Variants in ZC3H12C observed in about 807,000 individuals in gnomAD.
ZC3H12C encodes probable ribonuclease ZC3H12C.
In ZC3H12C, 20 loss-of-function variants were observed where a neutral mutation model predicts 76.3. The observed-to-expected ratio is 0.26, with a 90% CI of 0.18 to 0.38. The LOEUF (loss-of-function observed/expected upper bound fraction) is 0.38, where lower values mean the gene tolerates loss of function less well. Ranked by LOEUF, ZC3H12C falls within the 10% of genes least tolerant of loss-of-function variation. ZC3H12C has a pLI of 1.00. For synonymous variants in ZC3H12C, 352 were observed against 399.6 expected (o/e 0.88, Z 1.42); for missense variants, 874 against 1,086.5 (o/e 0.80, Z 2.75).
At chr11:110,099,054 T>C (rs1421211743) in intron 1 of ZC3H12C, among the ~76,000 whole-genome samples, 1 of 152,220 alleles carries the variant, frequency 6.6e-6, no homozygotes, top group Non-Finnish European at 1.5e-5. Context: ...CTACATTCGC[T>C]CTCTCATTTA....
At position 110,136,394 on chromosome 11, in the gene ZC3H12C, GA is replaced by G. The variant is rs1861959581; in HGVS notation, c.22-267del. The G allele has an allele frequency of 3.1e-5, 11 of 353,028 alleles. No homozygotes were observed. In the South Asian group the frequency reaches 5.7e-4, roughly 18 times the overall value. The allele number at this position is 353,028 out of a possible 1,614,324, so 21.9% of individuals were successfully genotyped here. A position where few individuals can be genotyped will look rare whatever the true frequency, so the allele number is the denominator to read the frequency against. ...TATAGTGGGAAAAGCATGGGTTTTA[GA>G]ATCAGACGAAACTGGGTAAAAAAAT... On this transcript the variant is annotated intron_variant, in intron 1 of 5. Transcript: ENST00000278590.
intron 2 of ZC3H12C, among the ~76,000 whole-genome samples, chr11:110,143,133 A>G (rs529957194): frequency 1.3e-5 from 2 of 152,138 alleles, no homozygotes; most frequent in South Asian, 2.1e-4. Context: ...AAAAGAAAAA[A>G]CTCCAGATCC....
At chr11:110,155,175 G>A (rs1042866482) in intron 3 of ZC3H12C, among the ~76,000 whole-genome samples, 1 of 151,970 alleles carries the variant, frequency 6.6e-6, no homozygotes, top group African/African-American at 2.4e-5. Flanking sequence ...TGTAATCCCA[G>A]CTATTAGGGA....
In ZC3H12C at chr11:110,136,888, G is replaced by A. The variant is rs1159294115; in HGVS notation, c.247G>A (p.Glu83Lys). 11 of 1,613,824 alleles carry A rather than the reference G, an allele frequency of 6.8e-6. No individual in the cohort carries two copies. The highest frequency in any genetic ancestry group is 9.3e-6 in the Non-Finnish European group (11 of 1,179,816). Residue 83 changes from glutamate (E) to lysine (K), a missense_variant, in exon 2 of 6, where the codon GAG becomes AAG. Physicochemically the swap from Glu to Lys is moderately conservative, Grantham distance 56. Around this residue, in one of 3 missense-constraint regions of ZC3H12C, gnomAD observed 210 missense variants for 227.1 expected, o/e 0.92. Transcript: ENST00000278590. The part of the protein sequence containing the change: ...VGKDEKEASE[E>K]NASSGDSEEN... The stretch of plus-strand genomic sequence containing the variant: ...GAAGGATGAAAAAGAGGCGTCTGAA[G>A]AGAATGCAAGCTCTGGTGACTCTGA...
chr11:110,146,247 C>G (rs922993295), intron 2 of ZC3H12C, among the ~76,000 whole-genome samples: 4 of 152,196 alleles, frequency 2.6e-5, no homozygotes, highest in Non-Finnish European at 5.9e-5. Flanking sequence ...CTCAGCCTCC[C>G]AAGGTGCTAG....
chr11:110,133,089 C>A (rs1385026053), intron 1 of ZC3H12C, among the ~76,000 whole-genome samples: 1 of 151,950 alleles, frequency 6.6e-6, no homozygotes, highest in Middle Eastern at 3.2e-3. Flanking sequence ...GTTTTTAAAT[C>A]TTTATCATGT....
intron 1 of ZC3H12C, among the ~76,000 whole-genome samples, chr11:110,115,698 G>A (rs1441209061): frequency 6.6e-6 from 1 of 150,810 alleles, no homozygotes; most frequent in African/African-American, 2.4e-5. Context: ...GCATCCCAGA[G>A]TATTAGAATT....
At chr11:110,101,743 T>C (rs1591455872) in intron 1 of ZC3H12C, among the ~76,000 whole-genome samples, 1 of 151,404 alleles carries the variant, frequency 6.6e-6, no homozygotes, top group South Asian at 2.1e-4. Context: ...AGAGACGGGG[T>C]TTCACCATAT....
chr11:110,146,649 T>C lies in ZC3H12C; in HGVS notation c.774-6270T>C, dbSNP rs1239793496. 5.3e-5 allele frequency among the ~76,000 whole-genome samples: 8 copies of C among 152,244 alleles called. No individual in the cohort carries two copies. The East Asian group carries it at 1.3e-3, about 26-fold the overall frequency. ...CTTTTCATTAGAGGATCTTCTCTTA[T>C]TTGTTGGTAGTCCCAGAAAGGGGTT... On this transcript the variant is annotated intron_variant, in intron 2 of 5. Coordinates refer to ENST00000278590, the MANE Select transcript of ZC3H12C (RefSeq NM_033390.2).
At chr11:110,160,939 C>T (rs1862468293) in intron 4 of ZC3H12C, among the ~76,000 whole-genome samples, 2 of 151,980 alleles carry the variant, frequency 1.3e-5, no homozygotes, top group African/African-American at 4.8e-5. Context: ...CAGGTTCAAG[C>T]AATTCTCATT....
At chr11:110,159,684 G>T (rs971266416) in intron 4 of ZC3H12C, among the ~76,000 whole-genome samples, 194 bp downstream of exon 4, 13 of 152,108 alleles carry the variant, frequency 8.5e-5, no homozygotes, top group African/African-American at 2.9e-4. Context: ...GGTGTGAGTG[G>T]CAGGCCCCAC....
intron 1 of ZC3H12C, among the ~76,000 whole-genome samples, chr11:110,109,322 T>C (rs1052583241): frequency 6.6e-6 from 1 of 152,240 alleles, no homozygotes; most frequent in African/African-American, 2.4e-5. Context: ...ATTCCTTCCA[T>C]GGTTATTCAT....
chr11:110,115,892 C>T (rs1273238385), intron 1 of ZC3H12C, among the ~76,000 whole-genome samples: 3 of 151,974 alleles, frequency 2.0e-5, no homozygotes, highest in African/African-American at 7.2e-5. Flanking sequence ...TCACAAGTAG[C>T]TAGGATTACA....
chr11:110,128,764 A>G (rs935128234), intron 1 of ZC3H12C, among the ~76,000 whole-genome samples: 1 of 151,994 alleles, frequency 6.6e-6, no homozygotes, highest in Non-Finnish European at 1.5e-5. Context: ...ATCCTACTCA[A>G]TCAATCTCAG....
chr11:110,146,475 C>T lies in ZC3H12C; in HGVS notation c.774-6444C>T, dbSNP rs541926214. On this transcript the variant is annotated intron_variant, in intron 2 of 5. Coordinates refer to ENST00000278590, the MANE Select transcript of ZC3H12C (RefSeq NM_033390.2). ...ATGTCACTTTTGCTCCTAGTTGCAG[C>T]GTTATTTCCTGTCTGATTTCCCGAG... Among the ~76,000 whole-genome samples the T allele has an allele frequency of 1.3e-4, 20 of 152,270 alleles. No individual in the cohort carries two copies. In the East Asian group the frequency reaches 3.7e-3, roughly 28 times the overall value.
At chr11:110,123,197 T>C (rs1409332876) in intron 1 of ZC3H12C, among the ~76,000 whole-genome samples, 1 of 152,242 alleles carries the variant, frequency 6.6e-6, no homozygotes, top group Non-Finnish European at 1.5e-5. Context: ...GAGTTTTCTC[T>C]TCCCATACAC....
rs1862536931 is a variant in ZC3H12C, at chr11:110,164,370, A to G, written c.1285A>G (p.Lys429Glu). Residue 429 changes from lysine (K) to glutamate (E), a missense_variant, in exon 6 of 6, where the codon AAA (lysine) becomes GAA (glutamate). By Grantham distance (56) the Lys-to-Glu change is moderately conservative (BLOSUM62 1). Transcript: ENST00000278590. This position sits in a 1 kb window ranked among gnomAD's most constrained non-coding sequence, Gnocchi z 5.7. ...GAAGTGTACCTATGGACACAAGTGC[A>G]AATATTACCATCCCGAAAGGGGCAG... ...GKKCTYGHKC[K>E]YYHPERGSQP... 1 of 1,613,136 alleles carries G rather than the reference A, an allele frequency of 6.2e-7. No individual in the cohort carries two copies. The highest frequency in any genetic ancestry group is 8.5e-7 in the Non-Finnish European group (1 of 1,179,646).
rs1009601238 is a variant in ZC3H12C at position 110,168,696 on chromosome 11, A to G, written c.*2959A>G. On this transcript the variant is annotated 3_prime_UTR_variant, in exon 6 of 6. Transcript: ENST00000278590. ...CTTAGTCCAGAGGGAATAGTACCCAATTGGCCAAATACTGGCCCTTAGTAT... is the reference window on the plus strand; with the variant it reads ...CTTAGTCCAGAGGGAATAGTACCCAGTTGGCCAAATACTGGCCCTTAGTAT... The G allele has an allele frequency of 7.2e-5, 11 of 152,182 alleles. No individual in the cohort carries two copies. The highest frequency in any genetic ancestry group is 2.2e-4 in the African/African-American group (9 of 41,448). The allele number at this position is 152,182 out of a possible 1,614,324, so 9.4% of individuals were successfully genotyped here.
chr11:110,141,670 C>T (rs1391197041), intron 2 of ZC3H12C, among the ~76,000 whole-genome samples: 2 of 152,146 alleles, frequency 1.3e-5, no homozygotes, highest in African/African-American at 2.4e-5. Context: ...GCTCTCTCAA[C>T]AAAACTGTAT....
Sources: allele counts gnomAD v4.1 joint callset (sites outside exome capture counted in the v4.1 genomes callset), GRCh38; gene constraint gnomAD v4.1.1; regional missense constraint gnomAD v4.1.1; non-coding constraint Gnocchi (gnomAD v3.1); transcripts MANE v1.5; gene names NCBI Gene and HGNC (gene_info 2026-07-23, HGNC 2026-07-21).